Variants in HAUS5 observed in about 807,000 individuals in gnomAD.
HAUS5 encodes HAUS augmin-like complex subunit 5.
HAUS5 carries 67 observed loss-of-function variants against 94.1 expected under a neutral mutation model. That is an observed-to-expected ratio of 0.71 (90% CI 0.58 to 0.87). HAUS5 has a LOEUF of 0.87. HAUS5 is among the 40% of genes least tolerant of loss of function. HAUS5 has a pLI of 0.00. For missense variants in HAUS5, 739 were observed against 825.6 expected (o/e 0.90, Z 1.29); for synonymous variants, 339 against 355.4 (o/e 0.95, Z 0.52).
rs186137710 is a variant in HAUS5, at chr19:35,615,509, A to G, written c.485+123A>G. 1.2e-3 allele frequency: 937 copies of G among 753,180 alleles called. 3 individuals carry two copies. Among genetic ancestry groups the G allele is most frequent in the Non-Finnish European group, 1.7e-3 (802 of 475,102 alleles). 46.7% of individuals were successfully genotyped at this position (753,180 alleles called of 1,614,324 possible). On this transcript the variant is annotated intron_variant, in intron 6 of 18. Transcript: ENST00000203166. ...CTGGAACCATTAGGATGGAATGTCC[A>G]TGAGGCCAGGAGGTTTTGTCATCTC...
Position 35,623,009 on chromosome 19 carries a change from G to A in HAUS5, c.*16G>A, listed in dbSNP as rs755256621. The A allele has an allele frequency of 9.1e-6, 14 of 1,536,778 alleles. No individual in the cohort carries two copies. Among genetic ancestry groups the A allele is most frequent in the African/African-American group, 6.8e-5 (5 of 73,164 alleles). On this transcript the variant is annotated 3_prime_UTR_variant, in exon 19 of 19. Coordinates refer to ENST00000203166, the MANE Select transcript of HAUS5 (RefSeq NM_015302.2). ...GTGCAGCTGAAGAGAGGGTTCAAAC[G>A]GAAGCCGAGAACTTGACACTGTTCA...
In HAUS5 at chr19:35,618,203, G is replaced by T. The variant is rs1043436795; in HGVS notation, c.821+8G>T. ...CGACACAGAGATATCCAGGTGTGGG[G>T]CAGGGTATTCTCACAGTTGGGGAAG... On this transcript the variant is annotated splice_region_variant and intron_variant, in intron 10 of 18. Transcript: ENST00000203166. 3.8e-6 allele frequency: 6 copies of T among 1,597,264 alleles called. No homozygotes were observed. The highest frequency in any genetic ancestry group is 3.4e-6 in the Non-Finnish European group (4 of 1,169,286).
At chr19:35,614,178 A>G (rs1191475053) in intron 4 of HAUS5, 119 bp downstream of exon 4, 10 of 888,214 alleles carry the variant, frequency 1.1e-5, no homozygotes, top group Non-Finnish European at 1.9e-5. Context: ...GACAGCCTTG[A>G]TCTCCATCCT....
intron 7 of HAUS5, 34 bp downstream of exon 7, chr19:35,617,227 A>G (rs751310036): frequency 1.3e-5 from 21 of 1,608,356 alleles, no homozygotes; most frequent in Non-Finnish European, 5.1e-6. Flanking sequence ...AGGGGCAGGG[A>G]GCCTGGAGTC....
rs2285412 is a variant in HAUS5, at chr19:35,618,410, C to A, written c.830C>A (p.Ala277Asp). 0.011 allele frequency: 17,523 copies of A among 1,610,402 alleles called. 769 individuals are homozygous for A. In the African/African-American group the frequency reaches 0.13, roughly 12 times the overall value. The change falls in exon 11 of 19, where the codon GCC (alanine) becomes GAC (aspartate). Residue 277 changes from alanine to aspartate, a missense_variant. Transcript: ENST00000203166. ...LGDTEISRPQ[A>D]PDQSDSSQTL... ...CTCTTCCCCCACCCCAGACCCCAGG[C>A]CCCGGACCAGTCAGACTCCAGCCAG...
At chr19:35,618,491 C>A in intron 11 of HAUS5, 26 bp downstream of exon 11, 1 of 1,614,088 alleles carries the variant, frequency 6.2e-7, no homozygotes, top group Non-Finnish European at 8.5e-7. Flanking sequence ...GCCTCCCCAC[C>A]ACATTCCAAG....
chr19:35,619,370 A>G (rs2146339204), intron 13 of HAUS5, 54 bp from the exon 14 acceptor site: 1 of 1,397,750 alleles, frequency 7.2e-7, no homozygotes, highest in South Asian at 1.3e-5. Flanking sequence ...GCAGAGAGGC[A>G]CACTGAGGCT....
At chr19:35,619,584 G>GGGGCCC in intron 14 of HAUS5, 29 bp from the exon 15 acceptor site, 10 of 1,533,856 alleles carry the variant, frequency 6.5e-6, no homozygotes, top group Non-Finnish European at 7.1e-6. Context: ...ATGTTGTGAT[G>GGGGCCC]CCCCACCCAC....
rs755383420 is a variant in HAUS5 at position 35,615,194 on chromosome 19, A to T, written c.326-33A>T. 2.5e-6 allele frequency: 4 copies of T among 1,612,376 alleles called. No homozygotes were observed. In the African/African-American group the frequency reaches 5.3e-5, roughly 22 times the overall value. ...TGGGCACCAGAATGTGGGGCGGGAAAGGTGCTGATGGCCACCCCTGTTCCT... is the reference window on the plus strand; with the variant it reads ...TGGGCACCAGAATGTGGGGCGGGAATGGTGCTGATGGCCACCCCTGTTCCT... On this transcript the variant is annotated intron_variant, in intron 5 of 18. Transcript: ENST00000203166.
chr19:35,618,401 G>A lies in HAUS5; in HGVS notation c.822-1G>A. 2 of 991,156 alleles carry A rather than the reference G, an allele frequency of 2.0e-6. No individual in the cohort carries two copies. The highest frequency in any genetic ancestry group is 3.0e-6 in the Non-Finnish European group (2 of 662,376). 61.4% of individuals were successfully genotyped at this position (991,156 alleles called of 1,614,324 possible). On this transcript the variant is annotated splice_acceptor_variant, in intron 10 of 18. Transcript: ENST00000203166. LOFTEE classifies it high-confidence loss of function. Reference sequence around the variant, plus strand: ...CCTCAGCAGCTCTTCCCCCACCCCAGACCCCAGGCCCCGGACCAGTCAGAC... The same window carrying A: ...CCTCAGCAGCTCTTCCCCCACCCCAAACCCCAGGCCCCGGACCAGTCAGAC...
In HAUS5 at chr19:35,624,075, T is replaced by G. The variant is rs1424955608; in HGVS notation, c.*1082T>G. 6.6e-6 allele frequency: 1 copy of G among 151,830 alleles called. No homozygotes were observed. The highest frequency in any genetic ancestry group is 2.4e-5 in the African/African-American group (1 of 41,304). 9.4% of individuals were successfully genotyped at this position (151,830 alleles called of 1,614,324 possible). A position where few individuals can be genotyped will look rare whatever the true frequency, so the allele number is the denominator to read the frequency against. On this transcript the variant is annotated 3_prime_UTR_variant, in exon 19 of 19. Coordinates refer to ENST00000203166, the MANE Select transcript of HAUS5 (RefSeq NM_015302.2). ...GCTTAATAGAAAGGCTTGTGACACA[T>G]TGTCATATCTGTTCTTGTTTTCTTT...
At position 35,618,120 on chromosome 19, in the gene HAUS5, A is replaced by G. The variant is rs1244622382; in HGVS notation, c.746A>G (p.His249Arg). 3 of 1,608,794 alleles carry G rather than the reference A, an allele frequency of 1.9e-6. No individual in the cohort carries two copies. In the African/African-American group the frequency reaches 4.0e-5, roughly 22 times the overall value. Residue 249 changes from histidine to arginine, a missense_variant, in exon 10 of 19, where the codon CAC becomes CGC. Physicochemically the swap from His to Arg is conservative, Grantham distance 29. Coordinates refer to ENST00000203166, the MANE Select transcript of HAUS5 (RefSeq NM_015302.2). ...GGCCACGTCCTGGCTGCCTTGGAGC[A>G]CCTGGCTGCAGAGCGGGAGGCAGAG... ...PPGHVLAALE[H>R]LAAEREAEIR...
chr19:35,615,621 T>C (rs753214250), intron 6 of HAUS5, among the ~76,000 whole-genome samples: 9 of 152,172 alleles, frequency 5.9e-5, no homozygotes, highest in South Asian at 2.1e-4. Flanking sequence ...ACAGAGAACA[T>C]GTCCCTGCCC....
At chr19:35,613,709 G>A in intron 1 of HAUS5, 21 bp from the exon 2 acceptor site, 1 of 1,611,786 alleles carries the variant, frequency 6.2e-7, no homozygotes, top group Non-Finnish European at 8.5e-7. Flanking sequence ...CCAGGCATAT[G>A]CTTACACACT....
chr19:35,620,429 T>C (rs1967192443), intron 17 of HAUS5, 102 bp downstream of exon 17: 2 of 1,061,098 alleles, frequency 1.9e-6, no homozygotes, highest in African/African-American at 1.6e-5. Context: ...GCAGTGCCCA[T>C]TGTGTGCTAA....
intron 17 of HAUS5, among the ~76,000 whole-genome samples, chr19:35,620,635 T>C (rs1401673396): frequency 6.6e-6 from 1 of 152,206 alleles, no homozygotes; most frequent in Non-Finnish European, 1.5e-5. Flanking sequence ...TGCCGTCGAC[T>C]TTCCACGTGT....
chr19:35,615,976 G>A (rs1247135698), intron 6 of HAUS5, among the ~76,000 whole-genome samples: 4 of 152,178 alleles, frequency 2.6e-5, no homozygotes, highest in Admixed American at 1.3e-4. Flanking sequence ...GATGTGTTGC[G>A]ATTTTACCCT....
At position 35,624,106 on chromosome 19, in the gene HAUS5, T is replaced by TTTG. The variant is rs1555716017; in HGVS notation, c.*1115_*1116insGTT. On this transcript the variant is annotated 3_prime_UTR_variant, in exon 19 of 19. Transcript: ENST00000203166. ...TATCTGTTCTTGTTTTCTTTTGTTT[T>TTTG]TTTTTTTTTTTTTTTTGAGATGCAG... The TTTG allele has an allele frequency of 2.8e-5, 4 of 141,784 alleles. No homozygotes were observed. The highest frequency in any genetic ancestry group is 1.1e-4 in the African/African-American group (4 of 37,994). The allele number at this position is 141,784 out of a possible 1,614,324, so 8.8% of individuals were successfully genotyped here.
chr19:35,620,327 G>A lies in HAUS5; in HGVS notation c.1651G>A (p.Glu551Lys). The A allele has an allele frequency of 2.5e-6, 4 of 1,611,812 alleles. No homozygotes were observed. The highest frequency in any genetic ancestry group is 1.3e-5 in the African/African-American group (1 of 74,892). The part of the protein sequence containing the change: ...TSLPPGLPTQ[E>K]LLQIQASQEK... Reference sequence around the variant, plus strand: ...CCTGCCGCCAGGCCTTCCCACCCAGGGTAGGTCTGCCCTGCCACCCCATCC... The same window carrying A: ...CCTGCCGCCAGGCCTTCCCACCCAGAGTAGGTCTGCCCTGCCACCCCATCC... The change falls in exon 17 of 19, where the codon GAG becomes AAG. Residue 551 changes from glutamate to lysine, a missense_variant and splice_region_variant. Glu to Lys is a moderately conservative substitution (Grantham distance 56, BLOSUM62 1). Transcript: ENST00000203166.
Sources: allele counts gnomAD v4.1 joint callset (sites outside exome capture counted in the v4.1 genomes callset), GRCh38; gene constraint gnomAD v4.1.1; transcripts MANE v1.5; gene names NCBI Gene and HGNC (gene_info 2026-07-23, HGNC 2026-07-21).